NKAIN3: variants seen among roughly 807,000 people sequenced by gnomAD.
The protein encoded by NKAIN3 is sodium/potassium transporting ATPase interacting 3.
Under a neutral mutation model 30.2 loss-of-function variants are expected in NKAIN3, and 25 were observed. The ratio of observed to expected loss-of-function variants is 0.83; its 90% CI spans 0.60 to 1.16. The LOEUF (loss-of-function observed/expected upper bound fraction) is 1.16, where lower values mean the gene tolerates loss of function less well. Ranked by LOEUF, NKAIN3 falls within the 50% of genes most tolerant of loss-of-function variation. The pLI is 0.00. For missense variants in NKAIN3, 225 were observed against 254.1 expected (o/e 0.89, Z 0.78); for synonymous variants, 91 against 89.6 (o/e 1.02, Z -0.09).
At chr8:62,826,774 A>G (rs1384604668) in intron 4 of NKAIN3, among the ~76,000 whole-genome samples, 2 of 152,186 alleles carry the variant, frequency 1.3e-5, no homozygotes, top group Non-Finnish European at 2.9e-5. Flanking sequence ...TGGAAATACA[A>G]TGCTCTCCTT....
At chr8:62,817,587 G>A (rs1189839284) in intron 4 of NKAIN3, among the ~76,000 whole-genome samples, 3 of 151,982 alleles carry the variant, frequency 2.0e-5, no homozygotes, top group Non-Finnish European at 2.9e-5. Context: ...ACCAATCACC[G>A]AGCCAACAGG....
At chr8:62,363,030 G>A (rs1356273442) in intron 1 of NKAIN3, among the ~76,000 whole-genome samples, 2 of 152,108 alleles carry the variant, frequency 1.3e-5, no homozygotes, top group African/African-American at 4.8e-5. Context: ...ATTAAGTTAG[G>A]TTGCAGTTCA....
intron 3 of NKAIN3, among the ~76,000 whole-genome samples, chr8:62,611,828 T>C (rs796722830): frequency 5.3e-5 from 8 of 152,266 alleles, no homozygotes; most frequent in African/African-American, 1.9e-4. Flanking sequence ...CTGGATCATA[T>C]GGTAGCTCAA....
chr8:62,407,299 A>G (rs1409420009), intron 1 of NKAIN3, among the ~76,000 whole-genome samples: 2 of 151,592 alleles, frequency 1.3e-5, no homozygotes, highest in Non-Finnish European at 2.9e-5. Flanking sequence ...ATATATATAT[A>G]TACTTGCATG....
chr8:62,556,919 A>C (rs562933397), intron 1 of NKAIN3, among the ~76,000 whole-genome samples: 9 of 152,228 alleles, frequency 5.9e-5, no homozygotes, highest in Non-Finnish European at 1.0e-4. Context: ...TTTAACTTAA[A>C]AGTTGCAAAA....
intron 1 of NKAIN3, among the ~76,000 whole-genome samples, chr8:62,534,793 G>A (rs1377067158): frequency 6.6e-6 from 1 of 151,796 alleles, no homozygotes; most frequent in Non-Finnish European, 1.5e-5. Context: ...TCTCCATATG[G>A]CTGCCCCTGC....
At chr8:62,436,562 A>G (rs567624839) in intron 1 of NKAIN3, among the ~76,000 whole-genome samples, 22 of 152,180 alleles carry the variant, frequency 1.4e-4, no homozygotes, top group Non-Finnish European at 2.9e-4. Flanking sequence ...ATAGATATCC[A>G]TCTTCCTCTT....
intron 4 of NKAIN3, among the ~76,000 whole-genome samples, chr8:62,805,454 A>T (rs1818243631): frequency 6.6e-6 from 1 of 152,166 alleles, no homozygotes; most frequent in South Asian, 2.1e-4. Context: ...CAAAACAGAG[A>T]TATAGATCAA....
intron 3 of NKAIN3, among the ~76,000 whole-genome samples, chr8:62,677,948 C>A (rs548511163): frequency 6.6e-6 from 1 of 152,108 alleles, no homozygotes; most frequent in African/African-American, 2.4e-5. Flanking sequence ...TTATTTGACT[C>A]GATTGCTAGT....
chr8:62,958,662 A>G (rs970516180), intron 6 of NKAIN3, among the ~76,000 whole-genome samples: 18 of 152,320 alleles, frequency 1.2e-4, no homozygotes, highest in African/African-American at 3.8e-4. Flanking sequence ...CATGGCATAA[A>G]CATATACAGC....
intron 3 of NKAIN3, among the ~76,000 whole-genome samples, chr8:62,676,591 A>G (rs1320312706): frequency 6.6e-6 from 1 of 152,210 alleles, no homozygotes; most frequent in Non-Finnish European, 1.5e-5. Flanking sequence ...AAAGTATACT[A>G]TCTTATGGGT....
chr8:62,750,904 C>G (rs1014337545), intron 4 of NKAIN3, among the ~76,000 whole-genome samples: 7 of 152,100 alleles, frequency 4.6e-5, no homozygotes, highest in African/African-American at 1.7e-4. Flanking sequence ...CTCATCACTT[C>G]TCACCTGAAG....
chr8:62,702,671 T>C (rs1229618963), intron 3 of NKAIN3, among the ~76,000 whole-genome samples: 1 of 152,204 alleles, frequency 6.6e-6, no homozygotes, highest in African/African-American at 2.4e-5. Context: ...TCTTGTAAAT[T>C]ATGTCACCAA....
chr8:62,666,078 G>A (rs1179935860), intron 3 of NKAIN3, among the ~76,000 whole-genome samples: 3 of 152,028 alleles, frequency 2.0e-5, no homozygotes, highest in East Asian at 1.9e-4. Flanking sequence ...GCTGGGCGTG[G>A]TGGTGGGCGC....
intron 4 of NKAIN3, among the ~76,000 whole-genome samples, chr8:62,871,476 T>C (rs1586294547): frequency 6.6e-6 from 1 of 152,052 alleles, no homozygotes; most frequent in African/African-American, 2.4e-5. Context: ...CATTAGTGTG[T>C]GTGTGTGATG....
At chr8:62,767,087 C>T (rs1816862271) in intron 4 of NKAIN3, among the ~76,000 whole-genome samples, 1 of 151,996 alleles carries the variant, frequency 6.6e-6, no homozygotes. Flanking sequence ...TATAATAGTA[C>T]CTCAATTCCC....
intron 3 of NKAIN3, among the ~76,000 whole-genome samples, chr8:62,738,167 T>C (rs1024428735): frequency 6.6e-6 from 1 of 152,182 alleles, no homozygotes; most frequent in African/African-American, 2.4e-5. Context: ...CCACATCCTC[T>C]CCAGCATCTG....
intron 4 of NKAIN3, among the ~76,000 whole-genome samples, chr8:62,819,631 A>T (rs2130728833): frequency 6.6e-6 from 1 of 152,120 alleles, no homozygotes; most frequent in East Asian, 1.9e-4. Flanking sequence ...AATTAAAAAA[A>T]TTTTAGTGAA....
At chr8:62,847,530 T>C (rs192422968) in intron 4 of NKAIN3, among the ~76,000 whole-genome samples, 1 of 152,186 alleles carries the variant, frequency 6.6e-6, no homozygotes, top group East Asian at 1.9e-4. Flanking sequence ...TTTAATGGAG[T>C]TGTTTGGTTT....
Sources: gnomAD v4.1 joint callset for allele counts (sites outside exome capture counted in the v4.1 genomes callset) on GRCh38, gnomAD v4.1.1 for gene constraint, MANE v1.5 for transcripts, NCBI Gene and HGNC (gene_info 2026-07-23, HGNC 2026-07-21) for gene names.